The following TOM1L2 variants were observed in gnomAD, a reference collection of about 807,000 sequenced individuals.
TOM1L2 encodes the protein TOM1-like protein 2.
Under a neutral mutation model 67.9 loss-of-function variants are expected in TOM1L2, and 31 were observed. The observed-to-expected ratio is 0.46, with a 90% CI of 0.34 to 0.62. TOM1L2 has a LOEUF of 0.62. Ranked by LOEUF, TOM1L2 falls within the 20% of genes least tolerant of loss-of-function variation. The pLI, the probability that TOM1L2 is intolerant of heterozygous loss-of-function variation, is 0.01. For synonymous variants in TOM1L2, 256 were observed against 254.0 expected, an observed-to-expected ratio of 1.01 and a Z score of -0.07; for missense variants, 606 against 663.5, an observed-to-expected ratio of 0.91 and a Z score of 0.95.
intron 4 of TOM1L2, among the ~76,000 whole-genome samples, chr17:17,890,587 C>T (rs1319533978): frequency 3.9e-5 from 6 of 152,094 alleles, no homozygotes; most frequent in East Asian, 1.9e-4. Context: ...GCAATGGCAA[C>T]GAAAGACCTA....
chr17:17,884,387 T>C (rs1477447719), intron 5 of TOM1L2, among the ~76,000 whole-genome samples: 1 of 152,162 alleles, frequency 6.6e-6, no homozygotes, highest in Non-Finnish European at 1.5e-5. Flanking sequence ...AGTAGCCATT[T>C]CCATGAAAAC....
rs1157690257 is a variant in TOM1L2 at position 17,898,614 on chromosome 17, C to T, written c.198G>A (p.Glu66=). The stretch of plus-strand genomic sequence containing the variant: ...CACTCACTGTTAATGCCAGCATCAC[C>T]TCTCTGTAGTTCCGGTTCCCGTTGA... The part of the protein sequence containing the change: ...KRLNGNRNYR[E]VMLALTVLET... The change falls in exon 3 of 15, where the codon GAG becomes GAA. Residue 66 remains glutamate, a synonymous_variant. Transcript: ENST00000379504. 4 of 1,614,128 alleles carry T rather than the reference C, an allele frequency of 2.5e-6. No individual in the cohort carries two copies. In the African/African-American group the frequency reaches 5.3e-5, roughly 22 times the overall value.
intron 3 of TOM1L2, among the ~76,000 whole-genome samples, chr17:17,898,005 A>T (rs2038660844): frequency 6.8e-6 from 1 of 147,096 alleles, no homozygotes; most frequent in Non-Finnish European, 1.5e-5. Flanking sequence ...AGCTCACGGC[A>T]ACCTCCACCT....
chr17:17,904,716 GC>G (rs1233421604), intron 2 of TOM1L2, among the ~76,000 whole-genome samples: 2 of 152,286 alleles, frequency 1.3e-5, no homozygotes, highest in African/African-American at 2.4e-5. Flanking sequence ...TACCTTTCCA[GC>G]CGGATTCCAG....
intron 1 of TOM1L2, among the ~76,000 whole-genome samples, chr17:17,962,239 TG>T (rs1019460397): frequency 1.8e-4 from 28 of 151,756 alleles, no homozygotes; most frequent in Non-Finnish European, 2.1e-4. Context: ...TGCCAGGGGC[TG>T]GGGGGAGGAG....
chr17:17,906,788 C>G (rs564784802), intron 2 of TOM1L2, among the ~76,000 whole-genome samples: 1 of 152,302 alleles, frequency 6.6e-6, no homozygotes, highest in Admixed American at 6.5e-5. Flanking sequence ...GCTCTCCTTG[C>G]CACTCCTGAA....
chr17:17,946,984 C>T (rs145877547), intron 1 of TOM1L2, among the ~76,000 whole-genome samples: 88 of 152,332 alleles, frequency 5.8e-4, no homozygotes, highest in Middle Eastern at 6.8e-3. Flanking sequence ...CTCAGCCTCC[C>T]AAAGTGCTGG....
At chr17:17,888,211 T>TC in intron 4 of TOM1L2, among the ~76,000 whole-genome samples, 1 of 152,194 alleles carries the variant, frequency 6.6e-6, no homozygotes, top group Non-Finnish European at 1.5e-5. Context: ...CTGGAAGCCT[T>TC]CTTTTCCTGC....
intron 1 of TOM1L2, among the ~76,000 whole-genome samples, chr17:17,951,982 T>C (rs2041224779): frequency 1.3e-5 from 2 of 152,202 alleles, no homozygotes; most frequent in African/African-American, 4.8e-5. Flanking sequence ...TCCAATACTC[T>C]TATAGTCTGA....
chr17:17,854,887 G>A (rs2036182326), intron 12 of TOM1L2, among the ~76,000 whole-genome samples: 1 of 152,170 alleles, frequency 6.6e-6, no homozygotes, highest in Admixed American at 6.5e-5. Flanking sequence ...CTGAAGGCTG[G>A]TCTGAGGGAT....
At chr17:17,969,111 C>T (rs1033941063) in intron 1 of TOM1L2, among the ~76,000 whole-genome samples, 18 of 150,708 alleles carry the variant, frequency 1.2e-4, no homozygotes, top group South Asian at 6.3e-4. Flanking sequence ...GGCTGGAGCG[C>T]GGTGGCACAA....
intron 1 of TOM1L2, among the ~76,000 whole-genome samples, chr17:17,965,518 T>C (rs1482284064): frequency 6.6e-6 from 1 of 152,216 alleles, no homozygotes; most frequent in Non-Finnish European, 1.5e-5. Context: ...CTCAGAGTTT[T>C]CCTGAGTTCT....
intron 12 of TOM1L2, chr17:17,851,163 T>C: frequency 1.7e-6 from 1 of 576,416 alleles, no homozygotes. Context: ...GTGCAAATGA[T>C]AAGAAGCAGG....
chr17:17,857,366 A>G (rs1376752852), intron 12 of TOM1L2, among the ~76,000 whole-genome samples: 2 of 152,250 alleles, frequency 1.3e-5, no homozygotes, highest in East Asian at 3.8e-4. Context: ...ACTGGGCTAC[A>G]GAGGGCTTCC....
rs564160668 is a variant in TOM1L2, at chr17:17,929,638, C to CA, written c.53-22108dup. Among the ~76,000 whole-genome samples, 342 of 151,290 alleles carry CA rather than the reference C, an allele frequency of 2.3e-3. 3 individuals are homozygous for CA. The highest frequency in any genetic ancestry group is 6.0e-3 in the South Asian group (29 of 4,796). ...AACAGCAAAAACTCCATCTCAAAAA[C>CA]AAAAAAAAGAATGTCAGGAAGAAAT... is the stretch of plus-strand genomic sequence containing the variant. On this transcript the variant is annotated intron_variant, in intron 1 of 14. Coordinates refer to ENST00000379504, the MANE Select transcript of TOM1L2 (RefSeq NM_001082968.2).
At chr17:17,887,010 AG>A (rs1420933220) in intron 4 of TOM1L2, among the ~76,000 whole-genome samples, 1 of 152,268 alleles carries the variant, frequency 6.6e-6, no homozygotes, top group Admixed American at 6.5e-5. Flanking sequence ...GTTCTCCAGA[AG>A]GAGCAGCTAG....
chr17:17,862,905 G>T, intron 10 of TOM1L2, 57 bp from the exon 11 acceptor site: 1 of 1,190,878 alleles, frequency 8.4e-7, no homozygotes, highest in Non-Finnish European at 1.1e-6. Context: ...CTGTAGATCT[G>T]ATGAAGGGCC....
chr17:17,905,527 C>G (rs925715204), intron 2 of TOM1L2, among the ~76,000 whole-genome samples: 1 of 152,212 alleles, frequency 6.6e-6, no homozygotes, highest in African/African-American at 2.4e-5. Flanking sequence ...AACCTCCTCA[C>G]TGGGTTTTCT....
At chr17:17,920,118 A>C (rs1385345480) in intron 1 of TOM1L2, among the ~76,000 whole-genome samples, 1 of 152,106 alleles carries the variant, frequency 6.6e-6, no homozygotes. Context: ...GTGAAGTCTA[A>C]AGACCCTCCT....
Sources: gnomAD v4.1 joint callset for allele counts (sites outside exome capture counted in the v4.1 genomes callset) on GRCh38, gnomAD v4.1.1 for gene constraint, MANE v1.5 for transcripts, NCBI Gene and HGNC (gene_info 2026-07-23, HGNC 2026-07-21) for gene names.